SPIC: variants seen among roughly 807,000 people sequenced by gnomAD.
SPIC encodes the protein Spi-C transcription factor.
Under a neutral mutation model 16.7 loss-of-function variants are expected in SPIC, and 9 were observed. The observed-to-expected ratio is 0.54, with a 90% confidence interval of 0.33 to 0.94. The LOEUF is 0.94. Among genes scored for constraint, SPIC ranks in the 40% least tolerant of loss-of-function variants. The pLI, the probability that SPIC is intolerant of heterozygous loss-of-function variation, is 0.03. For missense variants in SPIC, 241 were observed against 285.8 expected (o/e 0.84, Z 1.13); for synonymous variants, 97 against 102.9 (o/e 0.94, Z 0.35).
At position 101,486,674 on chromosome 12, in the gene SPIC, T is replaced by C; in HGVS notation, c.650T>C (p.Val217Ala). Residue 217 changes from valine to alanine, a missense_variant, in exon 6 of 6, where the codon GTT becomes GCT. Physicochemically the swap from Val to Ala is moderately conservative, Grantham distance 64. Transcript: ENST00000551346. ...AAAGAGATCTTCTATTCACAGTGTG[T>C]TCAACCTGATCAAGAATATCTCAGT... ...LGKEIFYSQCVQPDQEYLSLN... is the reference protein window; with the variant it reads ...LGKEIFYSQCAQPDQEYLSLN... 6.2e-7 allele frequency: 1 copy of C among 1,613,484 alleles called. No homozygotes were observed. Among genetic ancestry groups the C allele is most frequent in the Non-Finnish European group, 8.5e-7 (1 of 1,179,574 alleles).
At chr12:101,475,683 G>A (rs149986108) in intron 1 of SPIC, among the ~76,000 whole-genome samples, 181 bp downstream of exon 1, 2 of 152,068 alleles carry the variant, frequency 1.3e-5, no homozygotes, top group African/African-American at 4.8e-5. Context: ...TAATAGCTGC[G>A]ATAGTCTTGT....
chr12:101,479,203 A>G lies in SPIC; in HGVS notation c.98-379A>G, dbSNP rs541291180. On this transcript the variant is annotated intron_variant, in intron 3 of 5. Transcript: ENST00000551346. ...AAGAAAGAAAGAAAGAAAGAAAGAA[A>G]GAAAGAAAGAAAGAAAGAAGGAAAG... Among the ~76,000 whole-genome samples the G allele has an allele frequency of 1.3e-3, 170 of 130,114 alleles. 6 individuals are homozygous for G. Among genetic ancestry groups the G allele is most frequent in the African/African-American group, 3.2e-3 (112 of 35,000 alleles). The allele number at this position is 130,114 out of a possible 152,430, so 85.4% of individuals were successfully genotyped here.
At chr12:101,479,278 GAAAGAAAAAGAAAGAAAGAAAGAAAGAAA>G in intron 3 of SPIC, among the ~76,000 whole-genome samples, 1 of 60,178 alleles carries the variant, frequency 1.7e-5, no homozygotes. Context: ...AAGAAAGAAA[GAAAGAAAAAGAAAGAAAGAAAGAAAGAAA>G]AAAGAAAGAA....
Position 101,477,628 on chromosome 12 carries a change from C to T in SPIC, c.74C>T (p.Thr25Ile), listed in dbSNP as rs756233122. The change falls in exon 3 of 6, where the codon ACT becomes ATT. Residue 25 changes from threonine (T) to isoleucine (I), a missense_variant. Physicochemically the swap from Thr to Ile is moderately conservative, Grantham distance 89 (BLOSUM62 -1). Coordinates refer to ENST00000551346, the MANE Select transcript of SPIC (RefSeq NM_152323.3). ...TTTGAGGTTCTGAGGCAACATTCAACTGGAGATCTTCAGTACTCGCCAGGT... is the reference window on the plus strand; with the variant it reads ...TTTGAGGTTCTGAGGCAACATTCAATTGGAGATCTTCAGTACTCGCCAGGT... ...DAFEVLRQHS[T>I]GDLQYSPDYR... 2.6e-5 allele frequency: 42 copies of T among 1,613,224 alleles called. No homozygotes were observed. Among genetic ancestry groups the T allele is most frequent in the Non-Finnish European group, 3.6e-5 (42 of 1,179,854 alleles).
At chr12:101,477,416 T>C (rs1375408208) in intron 2 of SPIC, 142 bp from the exon 3 acceptor site, 5 of 742,422 alleles carry the variant, frequency 6.7e-6, no homozygotes, top group Non-Finnish European at 6.8e-6. Context: ...GCAGCCCCCC[T>C]GACAACAGAG....
In SPIC at chr12:101,476,836, A is replaced by G. The variant is rs952476446; in HGVS notation, c.-69A>G. On this transcript the variant is annotated 5_prime_UTR_variant, in exon 2 of 6. Coordinates refer to ENST00000551346, the MANE Select transcript of SPIC (RefSeq NM_152323.3). ...ATATTAAACTTTTTCAGGATTGTCA[A>G]CTTATTTTATTTTATTTTCTTCAAG... 2.7e-6 allele frequency: 3 copies of G among 1,124,232 alleles called. No individual in the cohort carries two copies. The highest frequency in any genetic ancestry group is 2.8e-4 in the Middle Eastern group (1 of 3,602). 69.6% of individuals were successfully genotyped at this position (1,124,232 alleles called of 1,614,324 possible).
rs745964388 is a variant in SPIC, at chr12:101,486,489, G to A, written c.465G>A (p.Gly155=). 1.2e-6 allele frequency: 2 copies of A among 1,614,148 alleles called. No individual in the cohort carries two copies. The highest frequency in any genetic ancestry group is 2.2e-5 in the East Asian group (1 of 44,884). The change falls in exon 6 of 6, where the codon GGG becomes GGA. Residue 155 remains glycine, a synonymous_variant. Coordinates refer to ENST00000551346, the MANE Select transcript of SPIC (RefSeq NM_152323.3). ...KNKEKLAELW[G]KRKGNRKTMT... Reference sequence around the variant, plus strand: ...AAGAAAAACTTGCCGAGCTTTGGGGGAAAAGAAAAGGCAACAGGAAGACCA... The same window carrying A: ...AAGAAAAACTTGCCGAGCTTTGGGGAAAAAGAAAAGGCAACAGGAAGACCA...
At chr12:101,485,533 CTTTT>C (rs895934204) in intron 5 of SPIC, among the ~76,000 whole-genome samples, 2 of 152,016 alleles carry the variant, frequency 1.3e-5, no homozygotes, top group African/African-American at 4.8e-5. Flanking sequence ...AGTTTTTCTC[CTTTT>C]TTATTTTTCA....
At chr12:101,481,882 A>G (rs1218531338) in intron 4 of SPIC, among the ~76,000 whole-genome samples, 1 of 141,334 alleles carries the variant, frequency 7.1e-6, no homozygotes, top group Non-Finnish European at 1.6e-5. Flanking sequence ...CGAACTCTTG[A>G]CTTCAGGCGA....
At position 101,483,510 on chromosome 12, in the gene SPIC, A is replaced by G. The variant is rs1439212356; in HGVS notation, c.319+610A>G. On this transcript the variant is annotated intron_variant, in intron 5 of 5. Coordinates refer to ENST00000551346, the MANE Select transcript of SPIC (RefSeq NM_152323.3). ...TATTTATTGATTGTTTTACAGTTAA[A>G]TTTAAAAGAAAATTAAGTAGAAGGA... 2.0e-5 allele frequency among the ~76,000 whole-genome samples: 3 copies of G among 152,178 alleles called. No individual in the cohort carries two copies. In the East Asian group the frequency reaches 5.8e-4, roughly 29 times the overall value.
At position 101,476,838 on chromosome 12, in the gene SPIC, TTA is replaced by T; in HGVS notation, c.-65_-64del. ...ATTAAACTTTTTCAGGATTGTCAAC[TTA>T]TTTTATTTTATTTTCTTCAAGCAAC... On this transcript the variant is annotated 5_prime_UTR_variant, in exon 2 of 6. It removes the in-frame stop codon of an upstream open reading frame in the 5' UTR. Transcript: ENST00000551346. The T allele has an allele frequency of 8.8e-7, 1 of 1,133,680 alleles. No individual in the cohort carries two copies. The highest frequency in any genetic ancestry group is 1.2e-6 in the Non-Finnish European group (1 of 824,690). The allele number at this position is 1,133,680 out of a possible 1,614,324, so 70.2% of individuals were successfully genotyped here. A position where few individuals can be genotyped will look rare whatever the true frequency, so the allele number is the denominator to read the frequency against.
At position 101,486,953 on chromosome 12, in the gene SPIC, C is replaced by T. The variant is rs1873386018; in HGVS notation, c.*182C>T. 4.4e-6 allele frequency: 2 copies of T among 449,784 alleles called. No homozygotes were observed. The highest frequency in any genetic ancestry group is 2.0e-5 in the African/African-American group (1 of 50,312). The allele number at this position is 449,784 out of a possible 1,614,324, so 27.9% of individuals were successfully genotyped here. A position where few individuals can be genotyped will look rare whatever the true frequency, so the allele number is the denominator to read the frequency against. Reference sequence around the variant, plus strand: ...TTTATCAAAGAGTATGTAATCTATACTAACTTGTTGGGAAATTCTGCCAAT... The same window carrying T: ...TTTATCAAAGAGTATGTAATCTATATTAACTTGTTGGGAAATTCTGCCAAT... On this transcript the variant is annotated 3_prime_UTR_variant, in exon 6 of 6. Transcript: ENST00000551346.
intron 4 of SPIC, among the ~76,000 whole-genome samples, 164 bp from the exon 5 acceptor site, chr12:101,482,628 T>A (rs1353689953): frequency 6.6e-6 from 1 of 152,122 alleles, no homozygotes; most frequent in Non-Finnish European, 1.5e-5. Context: ...TATGTGGGTT[T>A]GATGCTAGTG....
chr12:101,484,565 AAAAT>A (rs1873306737), intron 5 of SPIC, among the ~76,000 whole-genome samples: 1 of 148,120 alleles, frequency 6.8e-6, no homozygotes, highest in Non-Finnish European at 1.5e-5. Flanking sequence ...TAAAATAAAG[AAAAT>A]AAATAGATAG....
At position 101,486,671 on chromosome 12, in the gene SPIC, G is replaced by A; in HGVS notation, c.647G>A (p.Cys216Tyr). 6.2e-7 allele frequency: 1 copy of A among 1,613,566 alleles called. No homozygotes were observed. The stretch of plus-strand genomic sequence containing the variant: ...GGGAAAGAGATCTTCTATTCACAGT[G>A]TGTTCAACCTGATCAAGAATATCTC... ...FLGKEIFYSQ[C>Y]VQPDQEYLSL... The change falls in exon 6 of 6, where the codon TGT (cysteine) becomes TAT (tyrosine). Residue 216 changes from cysteine (C) to tyrosine (Y), a missense_variant. Transcript: ENST00000551346.
intron 3 of SPIC, among the ~76,000 whole-genome samples, chr12:101,478,253 G>T (rs1388149380): frequency 6.6e-6 from 1 of 151,878 alleles, no homozygotes; most frequent in Admixed American, 6.6e-5. Flanking sequence ...GGATGTTCTC[G>T]ATCTCCTGAC....
chr12:101,477,785 G>A (rs1873002268), intron 3 of SPIC, 134 bp downstream of exon 3: 2 of 727,776 alleles, frequency 2.7e-6, no homozygotes, highest in Non-Finnish European at 4.6e-6. Flanking sequence ...GGGAGGCCAA[G>A]GTGGGCAGAT....
In SPIC at chr12:101,486,802, A is replaced by G. The variant is rs775173280; in HGVS notation, c.*31A>G. 1.4e-6 allele frequency: 2 copies of G among 1,460,852 alleles called. No individual in the cohort carries two copies. The highest frequency in any genetic ancestry group is 1.8e-6 in the Non-Finnish European group (2 of 1,094,192). The allele number at this position is 1,460,852 out of a possible 1,614,324, so 90.5% of individuals were successfully genotyped here. A position where few individuals can be genotyped will look rare whatever the true frequency, so the allele number is the denominator to read the frequency against. On this transcript the variant is annotated 3_prime_UTR_variant, in exon 6 of 6. Transcript: ENST00000551346. ...CTTTCATATTTCATGGTTTACTGGCATCGGAAATCTCTACAAGTTTTAATG... is the reference window on the plus strand; with the variant it reads ...CTTTCATATTTCATGGTTTACTGGCGTCGGAAATCTCTACAAGTTTTAATG...
intron 3 of SPIC, among the ~76,000 whole-genome samples, chr12:101,477,958 A>G (rs1235714704): frequency 2.0e-5 from 3 of 152,138 alleles, no homozygotes; most frequent in Non-Finnish European, 4.4e-5. Flanking sequence ...AAGCTTTAGT[A>G]AGCCGAGATG....
Sources: gnomAD v4.1 joint callset for allele counts (sites outside exome capture counted in the v4.1 genomes callset) on GRCh38, gnomAD v4.1.1 for gene constraint, MANE v1.5 for transcripts, NCBI Gene and HGNC (gene_info 2026-07-23, HGNC 2026-07-21) for gene names.